PLCG2: variants seen among roughly 807,000 people sequenced by gnomAD.
PLCG2 encodes the protein phospholipase C gamma 2, also known as 1-phosphatidylinositol 4,5-bisphosphate phosphodiesterase gamma-2.
In PLCG2, 69 loss-of-function variants were observed where a neutral mutation model predicts 175.6. The observed-to-expected ratio is 0.39, with a 90% CI of 0.32 to 0.48. The LOEUF (loss-of-function observed/expected upper bound fraction) is 0.48, where lower values mean the gene tolerates loss of function less well. Among genes scored for constraint, PLCG2 ranks in the 20% least tolerant of loss-of-function variants. PLCG2 has a pLI of 0.91. For missense variants in PLCG2, 1,798 were observed against 1,650.9 expected (o/e 1.09, Z -1.54); for synonymous variants, 827 against 624.0 (o/e 1.33, Z -4.85).
At position 81,902,113 on chromosome 16, in the gene PLCG2, C is replaced by T. The variant is rs557457950; in HGVS notation, c.1362+1333C>T. ...TGGTAAGCAAGTCAGCTGTCCCGTC[C>T]TTTTCTCTACTGTTCTGTGCATGAG... On this transcript the variant is annotated intron_variant, in intron 14 of 32. Transcript: ENST00000564138. Among the ~76,000 whole-genome samples the T allele has an allele frequency of 2.4e-4, 37 of 152,312 alleles. No individual in the cohort carries two copies. In the East Asian group the frequency reaches 6.2e-3, roughly 25 times the overall value.
intron 13 of PLCG2, among the ~76,000 whole-genome samples, chr16:81,900,060 T>C (rs1201966024): frequency 6.6e-6 from 1 of 151,830 alleles, no homozygotes; most frequent in Non-Finnish European, 1.5e-5. Flanking sequence ...ACAGACACCT[T>C]ATAGAAATAT....
intron 6 of PLCG2, among the ~76,000 whole-genome samples, chr16:81,869,898 C>T (rs907769422): frequency 2.6e-5 from 4 of 152,154 alleles, no homozygotes; most frequent in Non-Finnish European, 5.9e-5. Flanking sequence ...TTTTTGCTTA[C>T]AGGGAAATAC....
intron 9 of PLCG2, 28 bp downstream of exon 9, chr16:81,883,369 G>A: frequency 6.3e-7 from 1 of 1,590,176 alleles, no homozygotes; most frequent in Non-Finnish European, 8.6e-7. Flanking sequence ...GTGGGTGCCT[G>A]AGGGAGCTGG....
chr16:81,773,257 C>T (rs1465710445), intron 2 of PLCG2, among the ~76,000 whole-genome samples: 1 of 152,150 alleles, frequency 6.6e-6, no homozygotes, highest in African/African-American at 2.4e-5. Flanking sequence ...TAATCGGTGT[C>T]CCTGTTGACA....
At chr16:81,937,305 T>G (rs1321564230) in intron 27 of PLCG2, 1 of 152,518 alleles carries the variant, frequency 6.6e-6, no homozygotes, top group Non-Finnish European at 1.5e-5. Flanking sequence ...AGCTTCTTCT[T>G]GTAAGGGACA....
chr16:81,891,650 A>G, intron 11 of PLCG2, 60 bp downstream of exon 11: 1 of 973,022 alleles, frequency 1.0e-6, no homozygotes, highest in African/African-American at 1.6e-5. Flanking sequence ...GGGTTGAGGC[A>G]GGGGTCCGAT....
intron 9 of PLCG2, among the ~76,000 whole-genome samples, chr16:81,888,605 G>A (rs1192193813): frequency 6.6e-6 from 1 of 152,138 alleles, no homozygotes; most frequent in Non-Finnish European, 1.5e-5. Flanking sequence ...GAAACTGTGT[G>A]GTAGATACTC....
At chr16:81,936,427 G>C (rs898388165) in intron 27 of PLCG2, 49 bp downstream of exon 27, 6 of 1,498,836 alleles carry the variant, frequency 4.0e-6, no homozygotes, top group South Asian at 1.1e-5. Flanking sequence ...GGCGGTTGCA[G>C]TCACTCCAGG....
In PLCG2 at chr16:81,889,261, G is replaced by C; in HGVS notation, c.855G>C (p.Leu285Phe). Residue 285 changes from leucine (L) to phenylalanine (F), a missense_variant, in exon 10 of 33, where the codon TTG becomes TTC. Physicochemically the swap from Leu to Phe is conservative, Grantham distance 22. Coordinates refer to ENST00000564138, the MANE Select transcript of PLCG2 (RefSeq NM_002661.5). ...DTMRETAEPFLFVDEFLTYLF... is the reference protein window; with the variant it reads ...DTMRETAEPFFFVDEFLTYLF... ...TGCGTGAAACTGCTGAGCCTTTCTT[G>C]TTTGTGGATGAGGTGAGTAGGCTGG... The C allele has an allele frequency of 2.5e-6, 4 of 1,591,804 alleles. No homozygotes were observed. The highest frequency in any genetic ancestry group is 3.4e-6 in the Non-Finnish European group (4 of 1,164,230).
intron 30 of PLCG2, 99 bp from the exon 31 acceptor site, chr16:81,946,076 C>A (rs552949634): frequency 3.4e-6 from 3 of 875,816 alleles, no homozygotes; most frequent in African/African-American, 1.6e-5. Context: ...CTTCTCTACC[C>A]TTTGAACTAG....
chr16:81,882,185 G>T (rs1364266756), intron 8 of PLCG2, among the ~76,000 whole-genome samples: 2 of 152,194 alleles, frequency 1.3e-5, no homozygotes, highest in African/African-American at 4.8e-5. Context: ...GAAGCCCCGT[G>T]TAGCAGAATG....
At chr16:81,770,323 T>C (rs866607292) in intron 2 of PLCG2, among the ~76,000 whole-genome samples, 1 of 152,194 alleles carries the variant, frequency 6.6e-6, no homozygotes, top group South Asian at 2.1e-4. Context: ...TTTAGTTTTC[T>C]ATAACAACTA....
intron 9 of PLCG2, among the ~76,000 whole-genome samples, chr16:81,885,314 A>G (rs1406865957): frequency 8.1e-6 from 1 of 123,514 alleles, no homozygotes; most frequent in Non-Finnish European, 1.7e-5. Flanking sequence ...GTGAGCCACC[A>G]CGCCCAGCCC....
chr16:81,805,767 G>GTTTTGTTTTTTTT lies in PLCG2; in HGVS notation c.193+19589_193+19590insGTTTTTTTTTTTT, dbSNP rs1555508066. On this transcript the variant is annotated intron_variant, in intron 2 of 32. Transcript: ENST00000564138. ...AGCCATGAGAGTAGTGTTTTGTTTTGTTTTTTTTTTTTTTTGTTTTTTTTT... is the reference window on the plus strand; with the variant it reads ...AGCCATGAGAGTAGTGTTTTGTTTTGTTTTGTTTTTTTTTTTTTTTTTTTTTTTGTTTTTTTTT... Among the ~76,000 whole-genome samples the GTTTTGTTTTTTTT allele has an allele frequency of 4.6e-4, 18 of 39,494 alleles. 1 individual carries two copies. Among genetic ancestry groups the GTTTTGTTTTTTTT allele is most frequent in the African/African-American group, 7.3e-4 (6 of 8,174 alleles). The allele number at this position is 39,494 out of a possible 152,430, so 25.9% of individuals were successfully genotyped here. A position where few individuals can be genotyped will look rare whatever the true frequency, so the allele number is the denominator to read the frequency against.
At chr16:81,778,032 C>CAAAAAAA (rs566484508), upstream of PLCG2, among the ~76,000 whole-genome samples, 1 of 58,708 alleles carries the variant, frequency 1.7e-5, no homozygotes, top group African/African-American at 8.7e-5. Flanking sequence ...AAAAAAAAAA[C>CAAAAAAA]AAAAAAAAAA....
At chr16:81,876,821 C>T (rs913848407) in intron 7 of PLCG2, among the ~76,000 whole-genome samples, 16 of 152,246 alleles carry the variant, frequency 1.1e-4, no homozygotes, top group African/African-American at 3.9e-4. Context: ...ATGGTAATGC[C>T]GAACATAAAT....
At chr16:81,742,066 A>G (rs1387086305) in intron 1 of PLCG2, among the ~76,000 whole-genome samples, 2 of 149,774 alleles carry the variant, frequency 1.3e-5, no homozygotes, top group African/African-American at 2.5e-5. Context: ...CCAGTATTCA[A>G]AATTCTACTC....
rs754078401 is a variant in PLCG2 at position 81,931,658 on chromosome 16, G to C, written c.2739+4G>C. 1 of 1,612,934 alleles carries C rather than the reference G, an allele frequency of 6.2e-7. No homozygotes were observed. Among genetic ancestry groups the C allele is most frequent in the Non-Finnish European group, 8.5e-7 (1 of 1,179,194 alleles). ...CACCTGGAAGATTGACACCAAGGTAGGCACCTGCTCACCCGGGTGCAGGTG... is the reference window on the plus strand; with the variant it reads ...CACCTGGAAGATTGACACCAAGGTACGCACCTGCTCACCCGGGTGCAGGTG... On this transcript the variant is annotated splice_donor_region_variant and intron_variant, in intron 25 of 32. Transcript: ENST00000564138.
chr16:81,909,186 G>A (rs923590489), intron 17 of PLCG2, among the ~76,000 whole-genome samples: 1 of 152,194 alleles, frequency 6.6e-6, no homozygotes, highest in Non-Finnish European at 1.5e-5. Flanking sequence ...TCTTTTGAAG[G>A]AGATGGGCAA....
Sources: allele counts gnomAD v4.1 joint callset (sites outside exome capture counted in the v4.1 genomes callset), GRCh38; gene constraint gnomAD v4.1.1; transcripts MANE v1.5; gene names NCBI Gene and HGNC (gene_info 2026-07-23, HGNC 2026-07-21).